The following FRYL variants were observed in gnomAD, a reference collection of about 807,000 sequenced individuals.
The protein encoded by FRYL is protein furry homolog-like.
In FRYL, 150 loss-of-function variants were observed where a neutral mutation model predicts 351.2. The observed-to-expected ratio is 0.43, with a 90% CI of 0.37 to 0.49. FRYL has a LOEUF of 0.49. FRYL is among the 20% of genes least tolerant of loss of function. The probability of loss-of-function intolerance (pLI) is 0.00; values close to 1 mark genes in which losing one functional copy is unlikely to be tolerated. For missense variants in FRYL, 3,036 were observed against 3,619.3 expected (o/e 0.84, Z 4.13); for synonymous variants, 1,153 against 1,257.1 (o/e 0.92, Z 1.75).
intron 56 of FRYL, among the ~76,000 whole-genome samples, chr4:48,514,673 G>GT (rs1460625693): frequency 6.6e-6 from 1 of 152,198 alleles, no homozygotes; most frequent in Non-Finnish European, 1.5e-5. Flanking sequence ...TCAAATTGTG[G>GT]TATCACGGAA....
At chr4:48,679,357 T>G (rs557173958) in intron 3 of FRYL, among the ~76,000 whole-genome samples, 1 of 152,266 alleles carries the variant, frequency 6.6e-6, no homozygotes, top group South Asian at 2.1e-4. Context: ...AAAGTATGGT[T>G]TCTCATAAAT....
chr4:48,724,503 T>A (rs1769858768), intron 1 of FRYL, among the ~76,000 whole-genome samples: 1 of 152,166 alleles, frequency 6.6e-6, no homozygotes, highest in Non-Finnish European at 1.5e-5. Context: ...TAATTTCTCA[T>A]CATAGAGTTT....
chr4:48,753,482 C>T (rs1773459735), intron 1 of FRYL, among the ~76,000 whole-genome samples: 1 of 152,064 alleles, frequency 6.6e-6, no homozygotes, highest in Non-Finnish European at 1.5e-5. Context: ...CCAATTTAAT[C>T]ATCATTTTAA....
intron 18 of FRYL, among the ~76,000 whole-genome samples, chr4:48,588,458 T>G (rs1742589272): frequency 1.3e-5 from 2 of 152,174 alleles, no homozygotes; most frequent in South Asian, 4.1e-4. Context: ...TTCTTCCTGG[T>G]AATCACCTCC....
chr4:48,672,343 A>G (rs1762887598), intron 3 of FRYL, among the ~76,000 whole-genome samples: 1 of 152,294 alleles, frequency 6.6e-6, no homozygotes, highest in East Asian at 1.9e-4. Flanking sequence ...TATTCCCAAT[A>G]TTCCTCCTTT....
At chr4:48,771,995 T>C (rs537965389) in intron 1 of FRYL, among the ~76,000 whole-genome samples, 5 of 152,192 alleles carry the variant, frequency 3.3e-5, no homozygotes, top group Non-Finnish European at 5.9e-5. Flanking sequence ...AAAATATGAT[T>C]CTCTGTACAT....
Position 48,512,476 on chromosome 4 carries a change from CT to C in FRYL, c.8145+4del. The C allele has an allele frequency of 6.2e-7, 1 of 1,606,232 alleles. No homozygotes were observed. The highest frequency in any genetic ancestry group is 1.3e-5 in the African/African-American group (1 of 74,842). ...ATGAATTCAGAAACCCTGAACCTCA[CT>C]GACCTGAAACAGCCTAGAAAACACA... On this transcript the variant is annotated splice_donor_region_variant and intron_variant, in intron 57 of 63. Coordinates refer to ENST00000358350, the MANE Select transcript of FRYL (RefSeq NM_015030.2).
intron 1 of FRYL, among the ~76,000 whole-genome samples, chr4:48,745,393 C>T (rs1396503944): frequency 6.6e-6 from 1 of 152,114 alleles, no homozygotes; most frequent in Non-Finnish European, 1.5e-5. Context: ...GAAAATGTGG[C>T]ACATATACAC....
At chr4:48,610,680 A>T (rs896306847) in intron 7 of FRYL, among the ~76,000 whole-genome samples, 1 of 145,876 alleles carries the variant, frequency 6.9e-6, no homozygotes, top group Non-Finnish European at 1.5e-5. Flanking sequence ...ATATTATATT[A>T]TATATTATAT....
intron 1 of FRYL, among the ~76,000 whole-genome samples, chr4:48,736,006 A>AT (rs1771349789): frequency 6.6e-6 from 1 of 150,742 alleles, no homozygotes; most frequent in South Asian, 2.1e-4. Context: ...GAATAAAAAT[A>AT]CACAATATCT....
chr4:48,567,879 T>A lies in FRYL; in HGVS notation c.2997-459A>T, dbSNP rs1407196808. 1.3e-5 allele frequency among the ~76,000 whole-genome samples: 2 copies of A among 152,248 alleles called. No homozygotes were observed. Among genetic ancestry groups the A allele is most frequent in the African/African-American group, 4.8e-5 (2 of 41,462 alleles). On this transcript the variant is annotated intron_variant, in intron 27 of 63. Transcript: ENST00000358350. The surrounding 1 kb of genome is among the most constrained non-coding windows in gnomAD (Gnocchi z 4.2). ...TAGTAACATTCTGGGATAGGTATTA[T>A]CAGGGATGCAAAAATCTAAGAGAAT...
chr4:48,775,558 C>T (rs1445104128), intron 1 of FRYL, among the ~76,000 whole-genome samples: 1 of 152,190 alleles, frequency 6.6e-6, no homozygotes, highest in African/African-American at 2.4e-5. Context: ...ACTCTTCTCA[C>T]CTACTTCACC....
intron 33 of FRYL, among the ~76,000 whole-genome samples, chr4:48,558,778 C>T (rs1734726291): frequency 1.3e-5 from 2 of 152,228 alleles, no homozygotes; most frequent in South Asian, 4.1e-4. Flanking sequence ...GTGAGGTGGG[C>T]GGAGTCAGAG....
At chr4:48,581,787 T>C (rs1175184615) in intron 20 of FRYL, among the ~76,000 whole-genome samples, 182 bp from the exon 21 acceptor site, 2 of 152,252 alleles carry the variant, frequency 1.3e-5, no homozygotes, top group African/African-American at 2.4e-5. Context: ...AACATTTCAC[T>C]GGCAGTCTAA....
intron 1 of FRYL, among the ~76,000 whole-genome samples, chr4:48,744,836 A>G (rs1211444013): frequency 6.6e-6 from 1 of 152,220 alleles, no homozygotes; most frequent in Non-Finnish European, 1.5e-5. Flanking sequence ...AATCCTCAAT[A>G]TCTCCCACCC....
At chr4:48,774,962 G>A (rs992460491) in intron 1 of FRYL, among the ~76,000 whole-genome samples, 2 of 152,186 alleles carry the variant, frequency 1.3e-5, no homozygotes. Context: ...AGCAAAATAT[G>A]AGTTATTTGC....
In FRYL at chr4:48,557,071, T is replaced by C. The variant is rs762457595; in HGVS notation, c.4173A>G (p.Thr1391=). 4 of 1,608,012 alleles carry C rather than the reference T, an allele frequency of 2.5e-6. No homozygotes were observed. Among genetic ancestry groups the C allele is most frequent in the Non-Finnish European group, 3.4e-6 (4 of 1,177,308 alleles). Residue 1391 remains threonine, a synonymous_variant, in exon 35 of 64, where the codon ACA becomes ACG. Transcript: ENST00000358350. Reference sequence around the variant, plus strand: ...GGTTTTTGGGCCAGCCATCTGCAAGTGTGGTCCACACATTCTCCACCTCCG... The same window carrying C: ...GGTTTTTGGGCCAGCCATCTGCAAGCGTGGTCCACACATTCTCCACCTCCG... ...AWSEVENVWT[T]LADGWPKNLK...
intron 47 of FRYL, 109 bp downstream of exon 47, chr4:48,539,862 C>G: frequency 1.3e-6 from 1 of 751,934 alleles, no homozygotes; most frequent in South Asian, 2.2e-5. Flanking sequence ...ATGCAAAATT[C>G]ATATGGGAAG....
intron 3 of FRYL, among the ~76,000 whole-genome samples, chr4:48,668,230 C>A (rs1397128648): frequency 2.0e-5 from 3 of 152,118 alleles, no homozygotes; most frequent in Non-Finnish European, 2.9e-5. Context: ...TGGCCCTTTA[C>A]AGAAAAGGTT....
Sources: gnomAD v4.1 joint callset for allele counts (sites outside exome capture counted in the v4.1 genomes callset) on GRCh38, gnomAD v4.1.1 for gene constraint, Gnocchi (gnomAD v3.1) non-coding constraint, MANE v1.5 for transcripts, NCBI Gene and HGNC (gene_info 2026-07-23, HGNC 2026-07-21) for gene names.